The following TANC2 variants were observed in gnomAD, a reference collection of about 807,000 sequenced individuals.
TANC2 encodes the protein protein TANC2.
In TANC2, 26 loss-of-function variants were observed where a neutral mutation model predicts 210.5. That is an observed-to-expected ratio of 0.12 (90% CI 0.09 to 0.17). TANC2 has a LOEUF of 0.17. Ranked by LOEUF, TANC2 falls within the 10% of genes least tolerant of loss-of-function variation. TANC2 has a pLI of 1.00. For missense variants in TANC2, 2,129 were observed against 2,608.9 expected (o/e 0.82, Z 4.01); for synonymous variants, 931 against 967.1 (o/e 0.96, Z 0.69).
chr17:63,144,991 A>T (rs1343639993), intron 4 of TANC2, among the ~76,000 whole-genome samples: 1 of 151,846 alleles, frequency 6.6e-6, no homozygotes, highest in Admixed American at 6.6e-5. Flanking sequence ...CCCTGTGCCA[A>T]AATGTCAGAT....
chr17:63,405,314 C>A (rs1375144422), intron 20 of TANC2, 59 bp downstream of exon 20: 2 of 1,460,094 alleles, frequency 1.4e-6, no homozygotes, highest in African/African-American at 2.8e-5. Context: ...GTGAGGACTT[C>A]TGATGCACAG....
intron 3 of TANC2, among the ~76,000 whole-genome samples, chr17:63,079,010 C>T (rs1255651272): frequency 6.6e-6 from 1 of 152,130 alleles, no homozygotes; most frequent in African/African-American, 2.4e-5. Flanking sequence ...GTGGATTTGT[C>T]TATTTCTCCT....
chr17:63,184,452 C>T (rs2040903747), intron 5 of TANC2, among the ~76,000 whole-genome samples: 1 of 151,970 alleles, frequency 6.6e-6, no homozygotes, highest in African/African-American at 2.4e-5. Context: ...ATGCAAATAA[C>T]AGTTATGCCT....
chr17:63,270,507 A>G (rs1009249472), intron 9 of TANC2, among the ~76,000 whole-genome samples: 11 of 152,282 alleles, frequency 7.2e-5, no homozygotes, highest in Non-Finnish European at 1.5e-4. Flanking sequence ...TCAGTTTGAC[A>G]TATTTTTCTT....
At chr17:63,155,876 T>C (rs1282231499) in intron 5 of TANC2, among the ~76,000 whole-genome samples, 2 of 152,204 alleles carry the variant, frequency 1.3e-5, no homozygotes, top group African/African-American at 4.8e-5. Context: ...TTGTACATTC[T>C]ATAGCATAAG....
intron 11 of TANC2, among the ~76,000 whole-genome samples, chr17:63,334,618 A>T (rs1230792799): frequency 6.6e-6 from 1 of 152,206 alleles, no homozygotes; most frequent in Non-Finnish European, 1.5e-5. Flanking sequence ...ACTAAAATTA[A>T]TGGGCAAAAG....
At chr17:63,334,332 A>C (rs1217714824) in intron 11 of TANC2, among the ~76,000 whole-genome samples, 1 of 152,252 alleles carries the variant, frequency 6.6e-6, no homozygotes, top group African/African-American at 2.4e-5. Context: ...GGCTTCTTGA[A>C]ATAACACAGC....
chr17:63,221,357 T>G (rs551339674), intron 7 of TANC2, among the ~76,000 whole-genome samples: 17 of 150,374 alleles, frequency 1.1e-4, no homozygotes, highest in Non-Finnish European at 1.9e-4. Flanking sequence ...ACTGGAGAAT[T>G]GCTTGAACCT....
intron 5 of TANC2, among the ~76,000 whole-genome samples, chr17:63,161,173 C>T (rs1341300359): frequency 1.3e-5 from 2 of 152,040 alleles, no homozygotes; most frequent in African/African-American, 4.8e-5. Flanking sequence ...CCAGCCTGGG[C>T]AACATGGCAA....
At chr17:63,098,205 A>T (rs1448298590) in intron 3 of TANC2, among the ~76,000 whole-genome samples, 1 of 152,054 alleles carries the variant, frequency 6.6e-6, no homozygotes, top group Non-Finnish European at 1.5e-5. Flanking sequence ...ACCTACGATG[A>T]TATTACCTTC....
At chr17:63,357,793 C>T (rs1305957045) in intron 14 of TANC2, among the ~76,000 whole-genome samples, 1 of 152,264 alleles carries the variant, frequency 6.6e-6, no homozygotes, top group Non-Finnish European at 1.5e-5. Flanking sequence ...TCAGGCAGGT[C>T]TGATTAGCAG....
At chr17:63,416,230 C>T (rs1310412244) in intron 26 of TANC2, among the ~76,000 whole-genome samples, 1 of 152,154 alleles carries the variant, frequency 6.6e-6, no homozygotes, top group Admixed American at 6.5e-5. Flanking sequence ...TATCGTCTCC[C>T]TGGTAAGCCA....
intron 13 of TANC2, 120 bp from the exon 14 acceptor site, chr17:63,354,663 C>G: frequency 1.5e-6 from 2 of 1,310,156 alleles, no homozygotes; most frequent in Non-Finnish European, 2.1e-6. Context: ...AATACTTGAT[C>G]ATGTTTCCCT....
chr17:63,278,496 G>T (rs1208597141), intron 9 of TANC2, among the ~76,000 whole-genome samples: 1 of 152,262 alleles, frequency 6.6e-6, no homozygotes, highest in East Asian at 1.9e-4. Flanking sequence ...TGGTGAGGAT[G>T]TAGAGAAATT....
At position 62,983,676 on chromosome 17, in the gene TANC2, G is replaced by A. The variant is rs578021784; in HGVS notation, c.-24+16927G>A. Among the ~76,000 whole-genome samples, 3 of 152,042 alleles carry A rather than the reference G, an allele frequency of 2.0e-5. No individual in the cohort carries two copies. In the South Asian group the frequency reaches 6.2e-4, roughly 32 times the overall value. ...TTTATTGACAGTTTTTTTATCATGA[G>A]GGGATGTTGAATTTTTAAAAATGCT... On this transcript the variant is annotated intron_variant, in intron 1 of 27. Coordinates refer to ENST00000689528, the Ensembl canonical transcript of TANC2.
At chr17:63,233,594 C>T (rs1421939626) in intron 7 of TANC2, among the ~76,000 whole-genome samples, 3 of 152,216 alleles carry the variant, frequency 2.0e-5, no homozygotes, top group African/African-American at 7.2e-5. Flanking sequence ...CCTCAGTTGC[C>T]AGTGCAGGAT....
At chr17:62,996,115 A>G (rs545891501) in intron 1 of TANC2, among the ~76,000 whole-genome samples, 39 of 152,254 alleles carry the variant, frequency 2.6e-4, no homozygotes, top group African/African-American at 9.4e-4. Flanking sequence ...TGATCCTATT[A>G]CTGTATATAA....
rs143352635 is a variant in TANC2 at position 63,205,476 on chromosome 17, C to T, written c.769+4519C>T. Among the ~76,000 whole-genome samples, 576 of 149,278 alleles carry T rather than the reference C, an allele frequency of 3.9e-3. 1 individual carries two copies. The highest frequency in any genetic ancestry group is 5.9e-3 in the Non-Finnish European group (396 of 67,684). On this transcript the variant is annotated intron_variant, in intron 7 of 27. Coordinates refer to ENST00000689528, the Ensembl canonical transcript of TANC2. ...TTGGATATAGGAGAGGAACAGAGAACATAGGAGGAAATCTTTGGACATTGC... is the reference window on the plus strand; with the variant it reads ...TTGGATATAGGAGAGGAACAGAGAATATAGGAGGAAATCTTTGGACATTGC...
In TANC2 at chr17:63,421,886, C is replaced by G; in HGVS notation, c.6156C>G (p.Ser2052=). The G allele has an allele frequency of 6.2e-7, 1 of 1,613,950 alleles. No individual in the cohort carries two copies. The highest frequency in any genetic ancestry group is 1.1e-5 in the South Asian group (1 of 91,068). The stretch of plus-strand genomic sequence containing the variant: ...AGGACAACCTGTACAGGCAGCTGTC[C>G]CGAGACTCTCGGCAAGGGCAGACAT... Residue 2052 remains serine (S), a synonymous_variant, in exon 28 of 28, where the codon TCC becomes TCG. Transcript: ENST00000689528. The surrounding 1 kb of genome is among the most constrained non-coding windows in gnomAD (Gnocchi z 6.9).
Sources: allele counts gnomAD v4.1 joint callset (sites outside exome capture counted in the v4.1 genomes callset), GRCh38; gene constraint gnomAD v4.1.1; non-coding constraint Gnocchi (gnomAD v3.1); transcripts MANE v1.5; gene names NCBI Gene and HGNC (gene_info 2026-07-23, HGNC 2026-07-21).